RAP1GAP: variants seen among roughly 807,000 people sequenced by gnomAD.
RAP1GAP encodes RAP1 GTPase activating protein, also known as rap1 GTPase-activating protein 1.
In RAP1GAP, 35 loss-of-function variants were observed where a neutral mutation model predicts 87.2. The ratio of observed to expected loss-of-function variants is 0.40; its 90% CI spans 0.31 to 0.53. The LOEUF is 0.53. Among genes scored for constraint, RAP1GAP ranks in the 20% least tolerant of loss-of-function variants. The probability of loss-of-function intolerance (pLI) is 0.48; values close to 1 mark genes in which losing one functional copy is unlikely to be tolerated. For synonymous variants in RAP1GAP, 375 were observed against 363.9 expected (o/e 1.03, Z -0.35); for missense variants, 734 against 898.9 (o/e 0.82, Z 2.35).
rs189374078 is a variant in RAP1GAP at position 21,626,111 on chromosome 1, G to A, written c.-19+193C>T. Among the ~76,000 whole-genome samples, 187 of 152,224 alleles carry A rather than the reference G, an allele frequency of 1.2e-3. 1 individual carries two copies. The highest frequency in any genetic ancestry group is 4.3e-3 in the African/African-American group (178 of 41,532). ...TCCCTGCCACAGTCTACAGACCTAG[G>A]TTCAACGTTTGTGACTGCACCAGCC... On this transcript the variant is annotated intron_variant, in intron 3 of 24. Coordinates refer to ENST00000374765, the MANE Select transcript of RAP1GAP (RefSeq NM_002885.4).
intron 20 of RAP1GAP, 63 bp downstream of exon 20, chr1:21,601,621 G>A: frequency 7.7e-7 from 1 of 1,301,978 alleles, no homozygotes; most frequent in Admixed American, 1.9e-5. Context: ...GGCCCAGGCA[G>A]GGGAGGGGAA....
chr1:21,653,820 C>T (rs567404802), intron 1 of RAP1GAP, among the ~76,000 whole-genome samples: 28 of 152,174 alleles, frequency 1.8e-4, no homozygotes, highest in Admixed American at 1.4e-3. Context: ...GCATCCCCTT[C>T]GACATGGACC....
intron 2 of RAP1GAP, among the ~76,000 whole-genome samples, chr1:21,642,832 C>T (rs1438475050): frequency 3.3e-5 from 5 of 151,750 alleles, no homozygotes; most frequent in African/African-American, 1.2e-4. Context: ...CTGCCACCTC[C>T]TGTCCCTGGA....
intron 13 of RAP1GAP, 128 bp downstream of exon 13, chr1:21,611,324 G>T: frequency 7.6e-7 from 1 of 1,308,330 alleles, no homozygotes; most frequent in South Asian, 1.4e-5. Flanking sequence ...CCCCACAAGT[G>T]GGGGCGCTGA....
At chr1:21,659,977 C>CT (rs1011433507) in intron 1 of RAP1GAP, among the ~76,000 whole-genome samples, 5 of 152,132 alleles carry the variant, frequency 3.3e-5, no homozygotes, top group African/African-American at 1.2e-4. Context: ...CTCTGAGTCA[C>CT]TGTGAGGGAC....
chr1:21,634,071 G>T lies in RAP1GAP; in HGVS notation c.-112-7674C>A, dbSNP rs988996324. Among the ~76,000 whole-genome samples the T allele has an allele frequency of 2.4e-5, 3 of 125,364 alleles. No homozygotes were observed. The highest frequency in any genetic ancestry group is 5.4e-4 in the South Asian group (2 of 3,670). 82.2% of individuals were successfully genotyped at this position (125,364 alleles called of 152,430 possible). A position where few individuals can be genotyped will look rare whatever the true frequency, so the allele number is the denominator to read the frequency against. On this transcript the variant is annotated intron_variant, in intron 2 of 24. Coordinates refer to ENST00000374765, the MANE Select transcript of RAP1GAP (RefSeq NM_002885.4). This position sits in a 1 kb window ranked among gnomAD's most constrained non-coding sequence, Gnocchi z 4.1. The stretch of plus-strand genomic sequence containing the variant: ...ACTGCCCCCTCCCGGGGGGGGGGGG[G>T]GGCCACAGAAGCCCATTGTTTTCTG...
At chr1:21,618,258 G>A (rs535625017) in intron 5 of RAP1GAP, among the ~76,000 whole-genome samples, 1 of 152,316 alleles carries the variant, frequency 6.6e-6, no homozygotes, top group South Asian at 2.1e-4. Context: ...GGATGCAGCG[G>A]TCTGGGCGGG....
intron 1 of RAP1GAP, chr1:21,651,736 A>G: frequency 3.2e-6 from 4 of 1,262,698 alleles, no homozygotes; most frequent in South Asian, 1.4e-5. Context: ...GTGCACACGC[A>G]CACGCGCGCA....
Position 21,634,298 on chromosome 1 carries a change from G to A in RAP1GAP, c.-112-7901C>T, listed in dbSNP as rs988860572. Among the ~76,000 whole-genome samples the A allele has an allele frequency of 5.3e-5, 8 of 152,270 alleles. No homozygotes were observed. Among genetic ancestry groups the A allele is most frequent in the African/African-American group, 1.9e-4 (8 of 41,570 alleles). On this transcript the variant is annotated intron_variant, in intron 2 of 24. Transcript: ENST00000374765. The surrounding 1 kb of genome is among the most constrained non-coding windows in gnomAD (Gnocchi z 4.1). ...CCTGTGTCCCCTTTCCCTGGGCACCGTTGACCTCTCCTAGGACTCTAGAGG... is the reference window on the plus strand; with the variant it reads ...CCTGTGTCCCCTTTCCCTGGGCACCATTGACCTCTCCTAGGACTCTAGAGG...
intron 1 of RAP1GAP, chr1:21,665,300 G>A (rs1457698536): frequency 1.9e-6 from 1 of 513,702 alleles, no homozygotes; most frequent in African/African-American, 1.9e-5. Context: ...GGTGGCCTCG[G>A]TTGGCAGAGG....
At chr1:21,641,395 C>T (rs1274477264) in intron 2 of RAP1GAP, among the ~76,000 whole-genome samples, 1 of 152,196 alleles carries the variant, frequency 6.6e-6, no homozygotes, top group Non-Finnish European at 1.5e-5. Context: ...GACTACTCTT[C>T]CCACAGCCAG....
intron 1 of RAP1GAP, among the ~76,000 whole-genome samples, chr1:21,655,446 T>C (rs1002626241): frequency 6.6e-6 from 1 of 152,206 alleles, no homozygotes; most frequent in African/African-American, 2.4e-5. Context: ...TGATGCTTCC[T>C]AGCTGTGTGA....
rs142233496 is a variant in RAP1GAP at position 21,612,091 on chromosome 1, T to C, written c.547A>G (p.Thr183Ala). ...TTGCTGATGACATGCTCGTCAAAGG[T>C]GACGATGAGCCGGGAAGCCTGCAGG... ...LYPKASRLIV[T>A]FDEHVISNNF... Residue 183 changes from threonine (T) to alanine (A), a missense_variant, in exon 11 of 25, where the codon ACC (threonine) becomes GCC (alanine). By Grantham distance (58) the Thr-to-Ala change is moderately conservative (BLOSUM62 0). This residue lies in a region of RAP1GAP where 485 missense variants were observed against 646.2 expected (regional missense o/e 0.75). Coordinates refer to ENST00000374765, the MANE Select transcript of RAP1GAP (RefSeq NM_002885.4). 2.8e-3 allele frequency: 4,333 copies of C among 1,552,764 alleles called. 6 individuals are homozygous for C. The highest frequency in any genetic ancestry group is 3.6e-3 in the Non-Finnish European group (4,097 of 1,147,436).
chr1:21,633,228 G>A (rs970335663), intron 2 of RAP1GAP, among the ~76,000 whole-genome samples: 2 of 152,150 alleles, frequency 1.3e-5, no homozygotes, highest in African/African-American at 4.8e-5. Context: ...TAGCTGCCCT[G>A]GATGGTGGTC....
In RAP1GAP at chr1:21,634,598, C is replaced by T. The variant is rs829380; in HGVS notation, c.-112-8201G>A. Among the ~76,000 whole-genome samples the T allele has an allele frequency of 0.15, 22,531 of 152,152 alleles. 1,959 individuals carry two copies. Among genetic ancestry groups the T allele is most frequent in the East Asian group, 0.28 (1,444 of 5,156 alleles). On this transcript the variant is annotated intron_variant, in intron 2 of 24. Transcript: ENST00000374765. The surrounding 1 kb of genome is among the most constrained non-coding windows in gnomAD (Gnocchi z 4.1). Reference sequence around the variant, plus strand: ...TGGGCAGGAAGGTGGCACATGGGGCCGCCACCCTCGCCCCATGCTGGCTGC... The same window carrying T: ...TGGGCAGGAAGGTGGCACATGGGGCTGCCACCCTCGCCCCATGCTGGCTGC...
chr1:21,643,993 G>T (rs2095793283), intron 2 of RAP1GAP, among the ~76,000 whole-genome samples: 2 of 152,222 alleles, frequency 1.3e-5, no homozygotes, highest in Non-Finnish European at 2.9e-5. Context: ...GGCGGCAAGA[G>T]TCCTCTCTTC....
intron 3 of RAP1GAP, among the ~76,000 whole-genome samples, chr1:21,623,725 T>C (rs906635041): frequency 6.6e-6 from 1 of 152,242 alleles, no homozygotes; most frequent in African/African-American, 2.4e-5. Context: ...GTTTTAATAA[T>C]TAACAACAGC....
In RAP1GAP at chr1:21,602,969, C is replaced by A. The variant is rs996593607; in HGVS notation, c.1429-56G>T. On this transcript the variant is annotated intron_variant, in intron 18 of 24. Transcript: ENST00000374765. ...CTTACCTGGGAGCCCCAGTGCCCCCCCCACATCCCCTCTGGGGATCCTGCT... is the reference window on the plus strand; with the variant it reads ...CTTACCTGGGAGCCCCAGTGCCCCCACCACATCCCCTCTGGGGATCCTGCT... 1.1e-3 allele frequency: 1,536 copies of A among 1,339,744 alleles called. 4 individuals carry two copies. The highest frequency in any genetic ancestry group is 1.5e-3 in the Non-Finnish European group (1,389 of 953,360). The allele number at this position is 1,339,744 out of a possible 1,614,324, so 83.0% of individuals were successfully genotyped here.
chr1:21,617,987 C>G lies in RAP1GAP; in HGVS notation c.67-15G>C, dbSNP rs375577029. On this transcript the variant is annotated splice_polypyrimidine_tract_variant and intron_variant, in intron 5 of 24. Transcript: ENST00000374765. ...TCCTCCTCTGTCTGCAAAACACAAA[C>G]AGGGCAAGGGTCTCTCCATCTGTCC... 1.4e-5 allele frequency: 22 copies of G among 1,613,950 alleles called. No individual in the cohort carries two copies. Among genetic ancestry groups the G allele is most frequent in the Non-Finnish European group, 1.9e-5 (22 of 1,179,982 alleles).
Sources: gnomAD v4.1 joint callset for allele counts (sites outside exome capture counted in the v4.1 genomes callset) on GRCh38, gnomAD v4.1.1 for gene constraint, gnomAD v4.1.1 regional missense constraint, Gnocchi (gnomAD v3.1) non-coding constraint, MANE v1.5 for transcripts, NCBI Gene and HGNC (gene_info 2026-07-23, HGNC 2026-07-21) for gene names.